Variants in NRXN1 observed in about 807,000 individuals in gnomAD.
NRXN1 encodes neurexin-1.
Under a neutral mutation model 150.9 loss-of-function variants are expected in NRXN1, and 39 were observed. The observed-to-expected ratio is 0.26, with a 90% CI of 0.20 to 0.34. NRXN1 has a LOEUF of 0.34. NRXN1 is among the 10% of genes least tolerant of loss of function. The pLI, the probability that NRXN1 is intolerant of heterozygous loss-of-function variation, is 1.00. For synonymous variants in NRXN1, 924 were observed against 757.0 expected, an observed-to-expected ratio of 1.22 and a Z score of -3.62; for missense variants, 1,815 against 1,949.9, an observed-to-expected ratio of 0.93 and a Z score of 1.30.
intron 8 of NRXN1, among the ~76,000 whole-genome samples, chr2:50,582,060 GC>G (rs1054528739): frequency 2.6e-5 from 4 of 152,012 alleles, no homozygotes; most frequent in East Asian, 3.9e-4. Flanking sequence ...GAACATACAA[GC>G]CCCCTGTTCG....
At chr2:50,273,141 A>G (rs148830603) in intron 17 of NRXN1, among the ~76,000 whole-genome samples, 318 of 152,332 alleles carry the variant, frequency 2.1e-3, no homozygotes, top group African/African-American at 7.4e-3. Context: ...AAAGATTGAC[A>G]GAGAGCGTTG....
intron 18 of NRXN1, among the ~76,000 whole-genome samples, chr2:50,133,929 T>A (rs1367810209): frequency 6.6e-6 from 1 of 152,294 alleles, no homozygotes; most frequent in Non-Finnish European, 1.5e-5. Context: ...GAACACCTAA[T>A]AAAAGTTAAT....
intron 5 of NRXN1, among the ~76,000 whole-genome samples, chr2:50,817,921 C>T (rs1355590978): frequency 1.3e-5 from 2 of 151,838 alleles, no homozygotes; most frequent in African/African-American, 4.8e-5. Context: ...ACTAAGAGCT[C>T]TTCCTGGATA....
intron 18 of NRXN1, among the ~76,000 whole-genome samples, chr2:50,217,588 T>C (rs1017193244): frequency 6.6e-6 from 1 of 151,972 alleles, no homozygotes; most frequent in Non-Finnish European, 1.5e-5. Context: ...CAGAAATGCC[T>C]AAAGAGATGG....
chr2:50,426,321 A>G lies in NRXN1; in HGVS notation c.3364+39121T>C, dbSNP rs73934108. ...GGTGAATGATCTAATTCTCCCAACA[A>G]AATCAGTCTAGATGACTTTTATTAA... On this transcript the variant is annotated intron_variant, in intron 17 of 22. Coordinates refer to ENST00000401669, the MANE Select transcript of NRXN1 (RefSeq NM_001330078.2). 6.9e-3 allele frequency among the ~76,000 whole-genome samples: 1,048 copies of G among 152,304 alleles called. 14 individuals are homozygous for G. The highest frequency in any genetic ancestry group is 0.024 in the African/African-American group (1,003 of 41,568).
chr2:50,253,464 G>C (rs917939544), intron 17 of NRXN1, among the ~76,000 whole-genome samples: 3 of 152,266 alleles, frequency 2.0e-5, no homozygotes, highest in East Asian at 3.9e-4. Flanking sequence ...TGGAAGTTGT[G>C]AGAGAGGGCA....
Position 50,346,793 on chromosome 2 carries a change from T to A in NRXN1, c.3365-109823A>T. On this transcript the variant is annotated intron_variant, in intron 17 of 22. Transcript: ENST00000401669. This position sits in a 1 kb window ranked among gnomAD's most constrained non-coding sequence, Gnocchi z 5.0. Reference sequence around the variant, plus strand: ...TGGTGGATGTGGTGCGCTCCCAAACTGGATGCCCCCCACGCCACTCCTAGG... The same window carrying A: ...TGGTGGATGTGGTGCGCTCCCAAACAGGATGCCCCCCACGCCACTCCTAGG... 6.2e-7 allele frequency: 1 copy of A among 1,613,388 alleles called. No homozygotes were observed. The highest frequency in any genetic ancestry group is 8.5e-7 in the Non-Finnish European group (1 of 1,179,832).
intron 17 of NRXN1, among the ~76,000 whole-genome samples, chr2:50,355,989 T>A (rs1242200370): frequency 6.6e-6 from 1 of 152,126 alleles, no homozygotes; most frequent in East Asian, 1.9e-4. Flanking sequence ...AGTAAGCTGG[T>A]TATAAAGAAT....
At position 50,793,183 on chromosome 2, in the gene NRXN1, T is replaced by C. The variant is rs138289813; in HGVS notation, c.832+128686A>G. Among the ~76,000 whole-genome samples the C allele has an allele frequency of 1.3e-3, 203 of 152,212 alleles. No individual in the cohort carries two copies. In the Middle Eastern group the frequency reaches 0.02, roughly 15 times the overall value. On this transcript the variant is annotated intron_variant, in intron 5 of 22. Coordinates refer to ENST00000401669, the MANE Select transcript of NRXN1 (RefSeq NM_001330078.2). The stretch of plus-strand genomic sequence containing the variant: ...TCCAATCTATGATAAAAGCATTGTG[T>C]AAAATACAAGAAAAGTAAATTTCTT...
chr2:50,895,419 C>A (rs1681771828), intron 5 of NRXN1, among the ~76,000 whole-genome samples: 1 of 152,118 alleles, frequency 6.6e-6, no homozygotes, highest in Non-Finnish European at 1.5e-5. Context: ...AGTTGCTTTA[C>A]CACTTGAGCC....
chr2:50,873,621 G>GA (rs1188034234), intron 5 of NRXN1, among the ~76,000 whole-genome samples: 2 of 151,726 alleles, frequency 1.3e-5, no homozygotes, highest in Admixed American at 1.3e-4. Context: ...TAGAGAACTT[G>GA]AAAAAATTGA....
At chr2:50,829,495 C>A in intron 5 of NRXN1, 1 of 1,593,944 alleles carries the variant, frequency 6.3e-7, no homozygotes, top group African/African-American at 1.3e-5. Context: ...ATGAGAAAGG[C>A]GCGAATCAAA....
chr2:50,656,859 T>A (rs1449770972), intron 5 of NRXN1, among the ~76,000 whole-genome samples: 3 of 152,010 alleles, frequency 2.0e-5, no homozygotes, highest in Non-Finnish European at 4.4e-5. Context: ...TCACTGGTTA[T>A]AAAAGGAAGG....
chr2:50,250,387 G>A (rs1303967283), intron 17 of NRXN1, among the ~76,000 whole-genome samples: 2 of 152,012 alleles, frequency 1.3e-5, no homozygotes, highest in Non-Finnish European at 2.9e-5. Flanking sequence ...TTGGTTTTCA[G>A]GAGTAGGTTG....
chr2:50,931,032 G>A (rs1056646094), intron 2 of NRXN1, among the ~76,000 whole-genome samples: 1 of 152,140 alleles, frequency 6.6e-6, no homozygotes, highest in African/African-American at 2.4e-5. Context: ...TAGTGGTTAT[G>A]TGGTTTTGAC....
chr2:50,694,294 C>G (rs1692499470), intron 5 of NRXN1, among the ~76,000 whole-genome samples: 1 of 152,148 alleles, frequency 6.6e-6, no homozygotes, highest in Non-Finnish European at 1.5e-5. Context: ...CTAGCACTGT[C>G]TCTTACATTT....
chr2:49,955,613 T>G lies in NRXN1; in HGVS notation c.4129-11822A>C, dbSNP rs1674786055. Among the ~76,000 whole-genome samples the G allele has an allele frequency of 9.3e-5, 5 of 53,834 alleles. No homozygotes were observed. In the South Asian group the frequency reaches 4.4e-3, roughly 48 times the overall value. 35.3% of individuals were successfully genotyped at this position (53,834 alleles called of 152,430 possible). ...AACATAGTTAACTATCATTTTGGGT[T>G]TTTTTTTTACCTACATAATATTCCT... On this transcript the variant is annotated intron_variant, in intron 21 of 22. Transcript: ENST00000401669.
At chr2:50,961,241 T>G (rs1297935189) in intron 2 of NRXN1, among the ~76,000 whole-genome samples, 1 of 151,898 alleles carries the variant, frequency 6.6e-6, no homozygotes, top group Non-Finnish European at 1.5e-5. Context: ...TAACATGTAT[T>G]CAAATTACTG....
intron 2 of NRXN1, among the ~76,000 whole-genome samples, chr2:50,940,856 T>A (rs1022410972): frequency 7.9e-5 from 12 of 152,174 alleles, no homozygotes; most frequent in African/African-American, 2.9e-4. Context: ...AAACTATGTA[T>A]ATCAGAATTT....
Sources: allele counts gnomAD v4.1 joint callset (sites outside exome capture counted in the v4.1 genomes callset), GRCh38; gene constraint gnomAD v4.1.1; non-coding constraint Gnocchi (gnomAD v3.1); transcripts MANE v1.5; gene names NCBI Gene and HGNC (gene_info 2026-07-23, HGNC 2026-07-21).